STEAP1B: variants seen among roughly 807,000 people sequenced by gnomAD.
STEAP1B encodes the protein STEAP family protein MGC87042.
A neutral mutation model predicts 27.9 loss-of-function variants in STEAP1B; 13 were observed. The observed-to-expected ratio is 0.47, with a 90% CI of 0.30 to 0.74. The LOEUF (loss-of-function observed/expected upper bound fraction) is 0.74, where lower values mean the gene tolerates loss of function less well. Ranked by LOEUF, STEAP1B falls within the 30% of genes least tolerant of loss-of-function variation. The pLI is 0.06. For missense variants in STEAP1B, 250 were observed against 298.7 expected, an observed-to-expected ratio of 0.84 and a Z score of 1.20; for synonymous variants, 86 against 107.1, an observed-to-expected ratio of 0.80 and a Z score of 1.22.
intron 4 of STEAP1B, among the ~76,000 whole-genome samples, chr7:22,431,074 G>A (rs1402626233): frequency 6.6e-6 from 1 of 152,192 alleles, no homozygotes; most frequent in East Asian, 1.9e-4. Context: ...CAATCCTAGT[G>A]GCTTTAAGAT....
chr7:22,440,098 C>T (rs1402882379), intron 4 of STEAP1B, among the ~76,000 whole-genome samples: 1 of 151,992 alleles, frequency 6.6e-6, no homozygotes, highest in East Asian at 1.9e-4. Context: ...AAATGGAGTA[C>T]AAAAATTTCA....
intron 4 of STEAP1B, among the ~76,000 whole-genome samples, chr7:22,476,196 C>T (rs180761142): frequency 2.6e-4 from 39 of 152,302 alleles, no homozygotes; most frequent in African/African-American, 9.4e-4. Context: ...CTTCTCTTTG[C>T]CATGTCACAA....
At chr7:22,435,039 T>C (rs2128400691) in intron 4 of STEAP1B, among the ~76,000 whole-genome samples, 1 of 152,268 alleles carries the variant, frequency 6.6e-6, no homozygotes, top group South Asian at 2.1e-4. Flanking sequence ...TTAAATTTTA[T>C]TTAATTTTAA....
intron 1 of STEAP1B, among the ~76,000 whole-genome samples, chr7:22,497,508 C>A (rs1440658480): frequency 1.3e-5 from 2 of 152,110 alleles, no homozygotes; most frequent in East Asian, 3.9e-4. Flanking sequence ...GTGTTCACCA[C>A]TGGCATGTAA....
At chr7:22,498,052 A>G (rs543911302) in intron 1 of STEAP1B, among the ~76,000 whole-genome samples, 1 of 152,280 alleles carries the variant, frequency 6.6e-6, no homozygotes, top group South Asian at 2.1e-4. Context: ...GCAGTTTGCA[A>G]TAGGGTTCAT....
chr7:22,471,493 A>G (rs1162426577), intron 4 of STEAP1B, among the ~76,000 whole-genome samples: 1 of 152,232 alleles, frequency 6.6e-6, no homozygotes, highest in Non-Finnish European at 1.5e-5. Context: ...ACAAGGCAGA[A>G]TTGTTTTTCA....
chr7:22,493,681 A>G lies in STEAP1B; in HGVS notation c.240T>C (p.Val80=), dbSNP rs751197318. The G allele has an allele frequency of 6.8e-6, 11 of 1,613,916 alleles. No individual in the cohort carries two copies. In the East Asian group the frequency reaches 2.0e-4, roughly 29 times the overall value. Residue 80 remains valine (V), a synonymous_variant, in exon 3 of 5, where the codon GTT becomes GTC. Coordinates refer to ENST00000678116, the MANE Select transcript of STEAP1B (RefSeq NM_001382447.1). Reference sequence around the variant, plus strand: ...TGTAAAGAAAAGTCAGAGATGCCATAACAGCAGCTATTTTAATTGGCAAGT... The same window carrying G: ...TGTAAAGAAAAGTCAGAGATGCCATGACAGCAGCTATTTTAATTGGCAAGT... ...QWHLPIKIAA[V]MASLTFLYTL...
intron 4 of STEAP1B, among the ~76,000 whole-genome samples, chr7:22,420,114 A>G (rs1307746407): frequency 6.6e-6 from 1 of 152,128 alleles, no homozygotes. Flanking sequence ...TCTCAAACAC[A>G]ACAAACTTAA....
At chr7:22,467,929 T>C (rs1228760327) in intron 4 of STEAP1B, among the ~76,000 whole-genome samples, 1 of 152,192 alleles carries the variant, frequency 6.6e-6, no homozygotes, top group Non-Finnish European at 1.5e-5. Context: ...TGGCAAAGAG[T>C]TCCAATCCTC....
intron 4 of STEAP1B, among the ~76,000 whole-genome samples, chr7:22,460,556 G>T (rs1177771824): frequency 2.0e-5 from 3 of 152,160 alleles, no homozygotes; most frequent in Admixed American, 2.0e-4. Context: ...AGGCCTGGTG[G>T]CCTGGACATG....
chr7:22,443,626 C>T (rs1372402143), intron 4 of STEAP1B, among the ~76,000 whole-genome samples: 1 of 152,214 alleles, frequency 6.6e-6, no homozygotes, highest in Admixed American at 6.5e-5. Flanking sequence ...TCCGCCACTG[C>T]TATGCCCTTT....
intron 4 of STEAP1B, among the ~76,000 whole-genome samples, chr7:22,458,457 A>G (rs1785624266): frequency 6.6e-6 from 1 of 151,884 alleles, no homozygotes. Context: ...TGCGAGATCC[A>G]ACACATTTTT....
At chr7:22,438,473 T>C (rs1034175863) in intron 4 of STEAP1B, 3 of 1,544,376 alleles carry the variant, frequency 1.9e-6, no homozygotes, top group Admixed American at 3.9e-5. Context: ...AACAAGGTTC[T>C]CACTTTCATG....
At chr7:22,457,955 C>T (rs1785615187) in intron 4 of STEAP1B, among the ~76,000 whole-genome samples, 1 of 152,212 alleles carries the variant, frequency 6.6e-6, no homozygotes, top group Admixed American at 6.5e-5. Flanking sequence ...GATAAACCAG[C>T]TCTCCCACCA....
At chr7:22,486,523 C>T (rs1405441576) in intron 4 of STEAP1B, among the ~76,000 whole-genome samples, 10 of 152,082 alleles carry the variant, frequency 6.6e-5, no homozygotes, top group Non-Finnish European at 2.9e-5. Context: ...TTCCTAAATG[C>T]TCCCTTCTCC....
intron 1 of STEAP1B, among the ~76,000 whole-genome samples, chr7:22,496,416 A>C (rs1228831399): frequency 6.6e-6 from 1 of 152,190 alleles, no homozygotes; most frequent in African/African-American, 2.4e-5. Context: ...AGCGTTTATA[A>C]AGTCTATAGT....
chr7:22,426,299 A>G (rs1212003266), intron 4 of STEAP1B, among the ~76,000 whole-genome samples: 1 of 152,266 alleles, frequency 6.6e-6, no homozygotes, highest in Non-Finnish European at 1.5e-5. Context: ...ATTGAAATGT[A>G]TAGTTAACAT....
chr7:22,466,037 C>T (rs755068562), intron 4 of STEAP1B, among the ~76,000 whole-genome samples: 2 of 152,196 alleles, frequency 1.3e-5, no homozygotes, highest in African/African-American at 2.4e-5. Context: ...AACACACATT[C>T]AGGTGTGTGT....
chr7:22,455,567 T>C (rs1785564704), intron 4 of STEAP1B, among the ~76,000 whole-genome samples: 1 of 152,204 alleles, frequency 6.6e-6, no homozygotes, highest in Admixed American at 6.5e-5. Flanking sequence ...CCGTTTTTTA[T>C]TAAGTTGTCT....
Sources: gnomAD v4.1 joint callset for allele counts (sites outside exome capture counted in the v4.1 genomes callset) on GRCh38, gnomAD v4.1.1 for gene constraint, MANE v1.5 for transcripts, NCBI Gene and HGNC (gene_info 2026-07-23, HGNC 2026-07-21) for gene names.